Variants in C12orf75 observed in about 807,000 individuals in gnomAD.
C12orf75 encodes the protein overexpressed in colon carcinoma 1 protein.
Under a neutral mutation model 11.4 loss-of-function variants are expected in C12orf75, and 4 were observed. The ratio of observed to expected loss-of-function variants is 0.35; its 90% CI spans 0.17 to 0.80. The LOEUF (loss-of-function observed/expected upper bound fraction) is 0.80. C12orf75 is among the 30% of genes least tolerant of loss of function. The pLI is 0.52. For synonymous variants in C12orf75, 30 were observed against 30.0 expected, an observed-to-expected ratio of 1.00 and a Z score of 0.00; for missense variants, 89 against 80.4, an observed-to-expected ratio of 1.11 and a Z score of -0.41.
rs1258954045 is a variant in C12orf75, at chr12:105,330,900, C to T, written c.9C>T (p.Cys3=). 4.0e-6 allele frequency: 5 copies of T among 1,247,010 alleles called. No homozygotes were observed. Among genetic ancestry groups the T allele is most frequent in the African/African-American group, 1.6e-5 (1 of 64,204 alleles). 77.2% of individuals were successfully genotyped at this position (1,247,010 alleles called of 1,614,324 possible). A position where few individuals can be genotyped will look rare whatever the true frequency, so the allele number is the denominator to read the frequency against. Residue 3 remains cysteine (C), a synonymous_variant, in exon 1 of 6, where the codon TGC becomes TGT. Coordinates refer to ENST00000443585, the MANE Select transcript of C12orf75 (RefSeq NM_001145199.2). ...CCCCGGCCGGCTGCGCGATGGGCTG[C>T]GGGAACTCCACCGCCACCAGCGCGG... The part of the protein sequence containing the change: MG[C]GNSTATSAGA...
At chr12:105,358,481 A>G (rs1030933107) in intron 2 of C12orf75, among the ~76,000 whole-genome samples, 13 of 152,206 alleles carry the variant, frequency 8.5e-5, no homozygotes. Flanking sequence ...TGATTGTGCC[A>G]CTGCTCTCCA....
chr12:105,367,257 G>A (rs1414345263), intron 4 of C12orf75, among the ~76,000 whole-genome samples: 1 of 152,168 alleles, frequency 6.6e-6, no homozygotes, highest in East Asian at 1.9e-4. Context: ...ATTGTCTGAT[G>A]TATAGTTTTA....
intron 2 of C12orf75, among the ~76,000 whole-genome samples, chr12:105,362,470 A>G (rs892873729): frequency 6.7e-6 from 1 of 149,488 alleles, no homozygotes; most frequent in African/African-American, 2.5e-5. Flanking sequence ...GATTGAGACC[A>G]TCCTGGCTAA....
chr12:105,349,304 A>G (rs183522960), intron 2 of C12orf75, among the ~76,000 whole-genome samples: 194 of 152,336 alleles, frequency 1.3e-3, no homozygotes, highest in African/African-American at 4.5e-3. Flanking sequence ...CTCCCACCCA[A>G]AACTGGGTTG....
At chr12:105,331,616 ACAC>A (rs1213055274) in intron 1 of C12orf75, among the ~76,000 whole-genome samples, 4 of 151,958 alleles carry the variant, frequency 2.6e-5, no homozygotes, top group Non-Finnish European at 4.4e-5. Flanking sequence ...ACACACACAC[ACAC>A]ACACAAATAG....
At chr12:105,343,237 C>T (rs1349959593) in intron 1 of C12orf75, among the ~76,000 whole-genome samples, 3 of 151,838 alleles carry the variant, frequency 2.0e-5, no homozygotes, top group African/African-American at 7.3e-5. Flanking sequence ...GTTTTTTTTC[C>T]CCACAAGAAA....
chr12:105,331,624 A>AC (rs71072603), intron 1 of C12orf75, among the ~76,000 whole-genome samples: 1 of 150,780 alleles, frequency 6.6e-6, no homozygotes. Flanking sequence ...ACACACACAC[A>AC]AATAGAAACT....
intron 1 of C12orf75, among the ~76,000 whole-genome samples, chr12:105,348,242 C>A (rs1892662963): frequency 6.6e-6 from 1 of 151,896 alleles, no homozygotes. Flanking sequence ...TGGTGAAACC[C>A]CATCTCAAGA....
At chr12:105,370,561 A>G (rs1282118523) in intron 5 of C12orf75, 73 bp from the exon 6 acceptor site, 1 of 457,338 alleles carries the variant, frequency 2.2e-6, no homozygotes, top group Admixed American at 2.4e-5. Flanking sequence ...TTGTAGGCTT[A>G]AGGCTAATAC....
At chr12:105,352,352 C>T (rs1892723521) in intron 2 of C12orf75, among the ~76,000 whole-genome samples, 1 of 152,038 alleles carries the variant, frequency 6.6e-6, no homozygotes, top group Non-Finnish European at 1.5e-5. Context: ...GGTTTTTATG[C>T]TGTTTGGCGG....
intron 1 of C12orf75, among the ~76,000 whole-genome samples, chr12:105,337,046 G>A (rs1426414810): frequency 1.3e-4 from 20 of 152,226 alleles, no homozygotes; most frequent in African/African-American, 4.6e-4. Context: ...AGCACGGGCC[G>A]GGCACGGTGG....
At chr12:105,365,766 T>G (rs1235279177) in intron 2 of C12orf75, 41 bp from the exon 3 acceptor site, 1 of 1,459,144 alleles carries the variant, frequency 6.9e-7, no homozygotes, top group Non-Finnish European at 9.4e-7. Flanking sequence ...TCCCCGACTA[T>G]GTAACCAAGT....
At chr12:105,355,129 G>A (rs189615066) in intron 2 of C12orf75, among the ~76,000 whole-genome samples, 2 of 151,520 alleles carry the variant, frequency 1.3e-5, no homozygotes, top group East Asian at 1.9e-4. Context: ...AAAATATGAG[G>A]TGAGAGGTTG....
At chr12:105,366,194 TG>T (rs1566143199) in intron 3 of C12orf75, 1 of 326,704 alleles carries the variant, frequency 3.1e-6, no homozygotes, top group Non-Finnish European at 5.6e-6. Context: ...TCTCTCTTGC[TG>T]TCTCTGCCCT....
At chr12:105,369,589 C>T (rs963215547) in intron 5 of C12orf75, among the ~76,000 whole-genome samples, 2 of 152,114 alleles carry the variant, frequency 1.3e-5, no homozygotes, top group Non-Finnish European at 2.9e-5. Context: ...AGGTATTTGT[C>T]CTAATGCTCT....
chr12:105,353,978 G>A (rs1166385952), intron 2 of C12orf75, among the ~76,000 whole-genome samples: 1 of 152,180 alleles, frequency 6.6e-6, no homozygotes, highest in Non-Finnish European at 1.5e-5. Flanking sequence ...TTGGAAAAAA[G>A]AAATGATAAA....
At chr12:105,347,749 C>G (rs1235617455) in intron 1 of C12orf75, among the ~76,000 whole-genome samples, 1 of 152,182 alleles carries the variant, frequency 6.6e-6, no homozygotes, top group East Asian at 1.9e-4. Context: ...TCAGTTCAAT[C>G]AAGTAGACGC....
At chr12:105,337,324 AAAC>A (rs1204560501) in intron 1 of C12orf75, among the ~76,000 whole-genome samples, 2 of 152,132 alleles carry the variant, frequency 1.3e-5, no homozygotes, top group African/African-American at 4.8e-5. Flanking sequence ...ACAAACAAAC[AAAC>A]AAAAACCAAT....
chr12:105,364,231 T>C (rs766987026), intron 2 of C12orf75, among the ~76,000 whole-genome samples: 3 of 152,226 alleles, frequency 2.0e-5, no homozygotes, highest in African/African-American at 2.4e-5. Flanking sequence ...TGCTAAAGGA[T>C]TATAAATCCA....
Sources: allele counts gnomAD v4.1 joint callset (sites outside exome capture counted in the v4.1 genomes callset), GRCh38; gene constraint gnomAD v4.1.1; transcripts MANE v1.5; gene names NCBI Gene and HGNC (gene_info 2026-07-23, HGNC 2026-07-21).